Variants in CERS6 observed in about 807,000 individuals in gnomAD.
The protein encoded by CERS6 is ceramide synthase 6.
In CERS6, 26 loss-of-function variants were observed where a neutral mutation model predicts 56.8. That is an observed-to-expected ratio of 0.46 (90% CI 0.34 to 0.63). The LOEUF (loss-of-function observed/expected upper bound fraction) is 0.63. Ranked by LOEUF, CERS6 falls within the 30% of genes least tolerant of loss-of-function variation. CERS6 has a pLI of 0.01. For missense variants in CERS6, 415 were observed against 467.5 expected (o/e 0.89, Z 1.04); for synonymous variants, 164 against 173.3 (o/e 0.95, Z 0.42).
intron 1 of CERS6, among the ~76,000 whole-genome samples, chr2:168,544,973 C>T (rs972402168): frequency 5.9e-5 from 9 of 151,790 alleles, no homozygotes; most frequent in Non-Finnish European, 1.3e-4. Flanking sequence ...GCTGGTGAGC[C>T]GCTGGGCCCA....
chr2:168,548,537 A>G (rs767753814), intron 2 of CERS6, among the ~76,000 whole-genome samples: 4 of 152,244 alleles, frequency 2.6e-5, no homozygotes, highest in Non-Finnish European at 5.9e-5. Context: ...ACAACATTCT[A>G]TGAGAAGTAT....
At chr2:168,554,586 C>G (rs1267609570) in intron 2 of CERS6, among the ~76,000 whole-genome samples, 1 of 152,178 alleles carries the variant, frequency 6.6e-6, no homozygotes, top group Non-Finnish European at 1.5e-5. Flanking sequence ...TTTTACCTCA[C>G]ATCCTTCAGA....
At chr2:168,612,072 G>A (rs1418461744) in intron 3 of CERS6, among the ~76,000 whole-genome samples, 2 of 152,226 alleles carry the variant, frequency 1.3e-5, no homozygotes, top group Non-Finnish European at 2.9e-5. Flanking sequence ...CTTGCCATGT[G>A]TTGAATGCTG....
At chr2:168,481,318 G>A (rs1336732192) in intron 1 of CERS6, among the ~76,000 whole-genome samples, 1 of 152,206 alleles carries the variant, frequency 6.6e-6, no homozygotes, top group Non-Finnish European at 1.5e-5. Flanking sequence ...TGGAGGCTGA[G>A]GCAGGAGAAT....
At chr2:168,708,501 A>C (rs1687013120) in intron 6 of CERS6, among the ~76,000 whole-genome samples, 1 of 152,124 alleles carries the variant, frequency 6.6e-6, no homozygotes, top group Non-Finnish European at 1.5e-5. Context: ...TTATTACTGC[A>C]GTTGCCATAA....
intron 4 of CERS6, among the ~76,000 whole-genome samples, chr2:168,668,461 T>TC (rs5836194): frequency 2.0e-5 from 3 of 151,062 alleles, no homozygotes; most frequent in African/African-American, 4.9e-5. Flanking sequence ...TTTTTTTTTT[T>TC]CTGGAGACAG....
rs575908872 is a variant in CERS6 at position 168,581,851 on chromosome 2, G to C, written c.407+20529G>C. Among the ~76,000 whole-genome samples, 78 of 152,260 alleles carry C rather than the reference G, an allele frequency of 5.1e-4. 1 individual carries two copies. Among genetic ancestry groups the C allele is most frequent in the Non-Finnish European group, 1.0e-3 (69 of 68,016 alleles). ...CTCTTTGTTCTTAGGAAATATTAAG[G>C]AGGGAGAATCTTGAGGCCTAGGAAG... On this transcript the variant is annotated intron_variant, in intron 3 of 9. Coordinates refer to ENST00000305747, the MANE Select transcript of CERS6 (RefSeq NM_203463.3).
intron 3 of CERS6, among the ~76,000 whole-genome samples, chr2:168,577,830 A>C (rs2105393671): frequency 6.6e-6 from 1 of 152,280 alleles, no homozygotes; most frequent in South Asian, 2.1e-4. Flanking sequence ...AGTGGGGAGA[A>C]AGTGTGAAAC....
intron 3 of CERS6, among the ~76,000 whole-genome samples, chr2:168,596,178 G>A (rs1181899605): frequency 1.3e-5 from 2 of 152,108 alleles, no homozygotes; most frequent in African/African-American, 2.4e-5. Context: ...AGTAGACTTG[G>A]ATCCTAGTCA....
At chr2:168,608,760 C>G (rs568045990) in intron 3 of CERS6, among the ~76,000 whole-genome samples, 55 of 152,122 alleles carry the variant, frequency 3.6e-4, no homozygotes, top group African/African-American at 1.3e-3. Context: ...TATACAAATC[C>G]TTTGTGGGTT....
chr2:168,738,377 A>G (rs1386685450), intron 8 of CERS6, among the ~76,000 whole-genome samples: 1 of 152,222 alleles, frequency 6.6e-6, no homozygotes, highest in Non-Finnish European at 1.5e-5. Context: ...AATAATGGCA[A>G]CTTACCAGGA....
chr2:168,643,841 C>T (rs1574123805), intron 4 of CERS6, among the ~76,000 whole-genome samples: 1 of 152,170 alleles, frequency 6.6e-6, no homozygotes, highest in Non-Finnish European at 1.5e-5. Context: ...TTCTTCATCT[C>T]GAGGTCCAGA....
intron 1 of CERS6, among the ~76,000 whole-genome samples, chr2:168,458,797 T>A (rs76919274): frequency 0.022 from 3,372 of 152,362 alleles, 117 homozygotes; most frequent in African/African-American, 0.077. Flanking sequence ...AGCTCTGTCT[T>A]TAACCATTCA....
chr2:168,729,426 A>G (rs1465185941), intron 8 of CERS6, among the ~76,000 whole-genome samples: 1 of 151,970 alleles, frequency 6.6e-6, no homozygotes, highest in Non-Finnish European at 1.5e-5. Context: ...ACTTCCCATC[A>G]CCTCCCTGAC....
intron 6 of CERS6, among the ~76,000 whole-genome samples, chr2:168,703,357 G>C: frequency 6.6e-6 from 1 of 152,156 alleles, no homozygotes; most frequent in Non-Finnish European, 1.5e-5. Context: ...AGGAGTTCGA[G>C]ACCAGCCTGG....
chr2:168,586,555 A>G (rs1044457360), intron 3 of CERS6, among the ~76,000 whole-genome samples: 6 of 152,190 alleles, frequency 3.9e-5, no homozygotes, highest in Non-Finnish European at 8.8e-5. Context: ...GACTGTGTTT[A>G]TTGGAAATAT....
At chr2:168,656,315 T>C (rs1685467060) in intron 4 of CERS6, among the ~76,000 whole-genome samples, 1 of 152,208 alleles carries the variant, frequency 6.6e-6, no homozygotes, top group African/African-American at 2.4e-5. Context: ...TTTTGTAGCT[T>C]TTAACTGATG....
At chr2:168,472,584 A>G (rs2105325888) in intron 1 of CERS6, among the ~76,000 whole-genome samples, 1 of 152,320 alleles carries the variant, frequency 6.6e-6, no homozygotes, top group East Asian at 1.9e-4. Flanking sequence ...TAATAAAGAA[A>G]TTACTGAAAA....
At chr2:168,474,663 A>G (rs1694036481) in intron 1 of CERS6, among the ~76,000 whole-genome samples, 1 of 152,232 alleles carries the variant, frequency 6.6e-6, no homozygotes, top group Non-Finnish European at 1.5e-5. Flanking sequence ...CTTTAAAGAA[A>G]TGGGAATGAT....
Sources: allele counts gnomAD v4.1 joint callset (sites outside exome capture counted in the v4.1 genomes callset), GRCh38; gene constraint gnomAD v4.1.1; transcripts MANE v1.5; gene names NCBI Gene and HGNC (gene_info 2026-07-23, HGNC 2026-07-21).